The following NOL10 variants were observed in gnomAD, a reference collection of about 807,000 sequenced individuals.
The protein encoded by NOL10 is nucleolar protein 10.
In NOL10, 58 loss-of-function variants were observed where a neutral mutation model predicts 103.5. That is an observed-to-expected ratio of 0.56 (90% CI 0.45 to 0.70). The LOEUF is 0.70. Among genes scored for constraint, NOL10 ranks in the 30% least tolerant of loss-of-function variants. NOL10 has a pLI of 0.00. For missense variants in NOL10, 763 were observed against 807.3 expected (o/e 0.95, Z 0.67); for synonymous variants, 287 against 282.5 (o/e 1.02, Z -0.16).
intron 20 of NOL10, among the ~76,000 whole-genome samples, chr2:10,575,093 C>A (rs1246667515): frequency 1.3e-5 from 2 of 152,226 alleles, no homozygotes; most frequent in African/African-American, 4.8e-5. Flanking sequence ...TCACCACAGC[C>A]TCCAGCACTC....
chr2:10,634,929 A>C (rs1678101298), intron 13 of NOL10, among the ~76,000 whole-genome samples: 1 of 152,216 alleles, frequency 6.6e-6, no homozygotes, highest in African/African-American at 2.4e-5. Flanking sequence ...TTCAAGGAGA[A>C]AGGGAGGATG....
intron 13 of NOL10, among the ~76,000 whole-genome samples, chr2:10,638,337 C>T (rs1348079461): frequency 7.6e-6 from 1 of 131,312 alleles, no homozygotes; most frequent in East Asian, 2.0e-4. Context: ...CGTGACGTAA[C>T]GTAACGTAAC....
At chr2:10,676,469 T>C (rs1158708552) in intron 3 of NOL10, among the ~76,000 whole-genome samples, 4 of 152,174 alleles carry the variant, frequency 2.6e-5, no homozygotes, top group African/African-American at 9.7e-5. Context: ...GAATATTACA[T>C]AGCCCATAAA....
intron 19 of NOL10, among the ~76,000 whole-genome samples, chr2:10,578,561 T>C (rs1051897164): frequency 4.6e-5 from 7 of 152,226 alleles, no homozygotes; most frequent in African/African-American, 1.7e-4. Flanking sequence ...GCCCTGCATT[T>C]CACTGTCATC....
chr2:10,573,271 G>A (rs955167996), intron 20 of NOL10, among the ~76,000 whole-genome samples: 1 of 152,010 alleles, frequency 6.6e-6, no homozygotes, highest in Admixed American at 6.6e-5. Flanking sequence ...TCGACTCACT[G>A]CAACCTCTGC....
intron 13 of NOL10, among the ~76,000 whole-genome samples, chr2:10,617,431 T>C (rs6727884): frequency 0.59 from 90,062 of 151,998 alleles, 27,697 homozygotes; most frequent in African/African-American, 0.74. Context: ...ACTTCAGTGG[T>C]CACACGTTAG....
intron 12 of NOL10, among the ~76,000 whole-genome samples, chr2:10,648,422 C>T (rs1679232638): frequency 2.0e-5 from 3 of 152,162 alleles, no homozygotes; most frequent in Non-Finnish European, 2.9e-5. Flanking sequence ...AAAGAAGGGG[C>T]GCCTACGGGT....
rs1678913128 is a variant in NOL10 at position 10,644,299 on chromosome 2, ACT to A, written c.1026+19_1026+20del. 6.8e-7 allele frequency: 1 copy of A among 1,463,938 alleles called. No homozygotes were observed. Among genetic ancestry groups the A allele is most frequent in the Non-Finnish European group, 9.1e-7 (1 of 1,102,916 alleles). 90.7% of individuals were successfully genotyped at this position (1,463,938 alleles called of 1,614,324 possible). A position where few individuals can be genotyped will look rare whatever the true frequency, so the allele number is the denominator to read the frequency against. On this transcript the variant is annotated intron_variant, in intron 13 of 20. Coordinates refer to ENST00000381685, the MANE Select transcript of NOL10 (RefSeq NM_024894.4). The stretch of plus-strand genomic sequence containing the variant: ...CTTTGCTTGTCCTATTTTTACTGAA[ACT>A]CCTCTTTGTATTACTTACTGGAATG...
chr2:10,596,253 T>TGGGGGGGG (rs1469968902), intron 17 of NOL10, among the ~76,000 whole-genome samples: 2 of 17,808 alleles, frequency 1.1e-4, no homozygotes, highest in Admixed American at 7.7e-4. Flanking sequence ...CCACAGATGG[T>TGGGGGGGG]GGTGGGGGGC....
chr2:10,638,473 G>T (rs1678456765), intron 13 of NOL10, among the ~76,000 whole-genome samples: 2 of 137,704 alleles, frequency 1.5e-5, no homozygotes, highest in Admixed American at 7.6e-5. Flanking sequence ...TACCCTTATA[G>T]CTGAATTCCC....
At chr2:10,580,217 TAGGAAC>T (rs1674673326) in intron 19 of NOL10, among the ~76,000 whole-genome samples, 1 of 152,206 alleles carries the variant, frequency 6.6e-6, no homozygotes, top group Non-Finnish European at 1.5e-5. Flanking sequence ...GACACTGCTG[TAGGAAC>T]ACCTGAAAAT....
chr2:10,659,274 T>G, intron 9 of NOL10, 24 bp from the exon 10 acceptor site: 9 of 1,292,594 alleles, frequency 7.0e-6, no homozygotes, highest in Non-Finnish European at 8.4e-6. Flanking sequence ...TATTCATGCT[T>G]CATGAATATA....
At chr2:10,588,207 A>AT (rs1299078012) in intron 19 of NOL10, among the ~76,000 whole-genome samples, 3 of 152,144 alleles carry the variant, frequency 2.0e-5, no homozygotes, top group Non-Finnish European at 4.4e-5. Context: ...GGGAAGGTTA[A>AT]TTTTTTTGGA....
intron 20 of NOL10, among the ~76,000 whole-genome samples, chr2:10,572,410 CA>C (rs1245005046): frequency 2.0e-5 from 3 of 152,074 alleles, no homozygotes; most frequent in African/African-American, 7.2e-5. Flanking sequence ...CTTTTACCAT[CA>C]ATGCAAAAGC....
rs751799608 is a variant in NOL10, at chr2:10,589,685, C to T, written c.1489G>A (p.Asp497Asn). The T allele has an allele frequency of 1.3e-6, 2 of 1,587,814 alleles. No homozygotes were observed. The highest frequency in any genetic ancestry group is 2.4e-5 in the South Asian group (2 of 84,476). The change falls in exon 18 of 21, where the codon GAT (aspartate) becomes AAT (asparagine). Residue 497 changes from aspartate (D) to asparagine (N), a missense_variant. By Grantham distance (23) the Asp-to-Asn change is conservative (BLOSUM62 1). Transcript: ENST00000381685. ...VMFENPDFQV[D>N]EESEEFRLLN... Reference sequence around the variant, plus strand: ...AGCCTAAATTCTTCACTCTCTTCATCTACTTGGAAGTCAGGGTTCTCAAAC... The same window carrying T: ...AGCCTAAATTCTTCACTCTCTTCATTTACTTGGAAGTCAGGGTTCTCAAAC...
intron 1 of NOL10, among the ~76,000 whole-genome samples, chr2:10,687,001 A>G (rs1450174939): frequency 6.6e-6 from 1 of 152,250 alleles, no homozygotes; most frequent in Non-Finnish European, 1.5e-5. Flanking sequence ...AGTTATCGAT[A>G]TGCAGATGTG....
At chr2:10,658,210 G>A (rs766605107) in intron 10 of NOL10, among the ~76,000 whole-genome samples, 1 of 152,224 alleles carries the variant, frequency 6.6e-6, no homozygotes, top group Non-Finnish European at 1.5e-5. Context: ...ACCAGGCAGT[G>A]TCATAGCAAC....
chr2:10,628,439 T>C (rs924594773), intron 13 of NOL10, among the ~76,000 whole-genome samples: 2 of 152,216 alleles, frequency 1.3e-5, no homozygotes, highest in Admixed American at 1.3e-4. Flanking sequence ...TTGTTATAGA[T>C]GCTGCTGCTG....
At chr2:10,663,779 C>A (rs1391495016) in intron 8 of NOL10, among the ~76,000 whole-genome samples, 1 of 151,844 alleles carries the variant, frequency 6.6e-6, no homozygotes, top group East Asian at 1.9e-4. Flanking sequence ...GAAACCCAGT[C>A]TCTACTAAAA....
Sources: allele counts gnomAD v4.1 joint callset (sites outside exome capture counted in the v4.1 genomes callset), GRCh38; gene constraint gnomAD v4.1.1; transcripts MANE v1.5; gene names NCBI Gene and HGNC (gene_info 2026-07-23, HGNC 2026-07-21).